NR3C2: variants seen among roughly 807,000 people sequenced by gnomAD.
NR3C2 encodes the protein mineralocorticoid receptor.
Under a neutral mutation model 86.4 loss-of-function variants are expected in NR3C2, and 15 were observed. The observed-to-expected ratio is 0.17, with a 90% CI of 0.12 to 0.27. The LOEUF (loss-of-function observed/expected upper bound fraction) is 0.27, where lower values mean the gene tolerates loss of function less well. Among genes scored for constraint, NR3C2 ranks in the 10% least tolerant of loss-of-function variants. The pLI is 1.00. For missense variants in NR3C2, 960 were observed against 1,195.6 expected (o/e 0.80, Z 2.91); for synonymous variants, 458 against 450.5 (o/e 1.02, Z -0.21).
chr4:148,139,935 T>A (rs541354909), intron 6 of NR3C2, among the ~76,000 whole-genome samples: 43 of 152,286 alleles, frequency 2.8e-4, no homozygotes, highest in Middle Eastern at 3.4e-3. Flanking sequence ...ATAAAAATAA[T>A]CGTGTGGTTC....
At chr4:148,444,197 G>T, upstream of NR3C2, 1 of 985,110 alleles carries the variant, frequency 1.0e-6, no homozygotes, top group Non-Finnish European at 1.2e-6. Flanking sequence ...AAGCGTTGCC[G>T]AATTATTCAT....
intron 6 of NR3C2, among the ~76,000 whole-genome samples, chr4:148,122,053 C>T (rs866517690): frequency 3.3e-5 from 5 of 152,146 alleles, no homozygotes; most frequent in South Asian, 2.1e-4. Flanking sequence ...TTCACATCCC[C>T]ACCAATGATT....
At chr4:148,138,974 C>T (rs1472581238) in intron 6 of NR3C2, among the ~76,000 whole-genome samples, 3 of 152,214 alleles carry the variant, frequency 2.0e-5, no homozygotes, top group Non-Finnish European at 4.4e-5. Flanking sequence ...TGCCTTCTAC[C>T]ATGAGATGAT....
intron 3 of NR3C2, among the ~76,000 whole-genome samples, chr4:148,230,280 G>A (rs755026426): frequency 2.0e-5 from 3 of 152,062 alleles, no homozygotes; most frequent in Non-Finnish European, 4.4e-5. Flanking sequence ...TGCAACCTCC[G>A]CCTCCCAGGC....
At chr4:148,174,817 T>G (rs542485277) in intron 4 of NR3C2, among the ~76,000 whole-genome samples, 1 of 152,160 alleles carries the variant, frequency 6.6e-6, no homozygotes, top group Non-Finnish European at 1.5e-5. Context: ...GACTTCCCAA[T>G]ACCAGGAAGT....
chr4:148,127,589 C>T (rs1732812370), intron 6 of NR3C2, among the ~76,000 whole-genome samples: 1 of 152,174 alleles, frequency 6.6e-6, no homozygotes, highest in Non-Finnish European at 1.5e-5. Context: ...GAGTAACTAA[C>T]AGCTGCTAGT....
intron 3 of NR3C2, among the ~76,000 whole-genome samples, chr4:148,220,874 T>C (rs1447895459): frequency 6.6e-6 from 1 of 152,178 alleles, no homozygotes; most frequent in South Asian, 2.1e-4. Context: ...GAAAGCTTCA[T>C]TGTAGAATCC....
chr4:148,118,331 T>G (rs1223295048), intron 7 of NR3C2, among the ~76,000 whole-genome samples: 1 of 152,162 alleles, frequency 6.6e-6, no homozygotes, highest in Non-Finnish European at 1.5e-5. Context: ...GTCGGGGTTA[T>G]CAACTTTCTC....
intron 2 of NR3C2, among the ~76,000 whole-genome samples, chr4:148,324,527 G>C (rs948439264): frequency 6.6e-6 from 1 of 152,158 alleles, no homozygotes; most frequent in Non-Finnish European, 1.5e-5. Flanking sequence ...AGACTGCAGG[G>C]AGAGGAAAAT....
At chr4:148,133,665 G>A (rs1474579065) in intron 6 of NR3C2, among the ~76,000 whole-genome samples, 1 of 152,188 alleles carries the variant, frequency 6.6e-6, no homozygotes, top group Non-Finnish European at 1.5e-5. Flanking sequence ...TCTTCCTAAA[G>A]CAAAAGTCGC....
rs74989192 is a variant in NR3C2 at position 148,434,989 on chromosome 4, C to T, written c.1757+115G>A. The T allele has an allele frequency of 9.0e-4, 911 of 1,012,716 alleles. 27 individuals are homozygous for T. In the East Asian group the frequency reaches 0.022, roughly 24 times the overall value. 62.7% of individuals were successfully genotyped at this position (1,012,716 alleles called of 1,614,324 possible). On this transcript the variant is annotated intron_variant, in intron 2 of 8. Coordinates refer to ENST00000358102, the MANE Select transcript of NR3C2 (RefSeq NM_000901.5). ...ACATGCAAAGTGGAGCAACATATGA[C>T]CATCCTTAAAACAGTAATCTGAAAT...
At chr4:148,091,618 C>G (rs1186794504) in intron 8 of NR3C2, among the ~76,000 whole-genome samples, 1 of 152,230 alleles carries the variant, frequency 6.6e-6, no homozygotes, top group Non-Finnish European at 1.5e-5. Context: ...TACGGCAAAG[C>G]ATCTACCAGT....
chr4:148,136,667 A>T (rs890248260), intron 6 of NR3C2, among the ~76,000 whole-genome samples: 1 of 150,980 alleles, frequency 6.6e-6, no homozygotes, highest in Non-Finnish European at 1.5e-5. Context: ...TTTTTTTGAG[A>T]TGGAGTTTCG....
intron 7 of NR3C2, among the ~76,000 whole-genome samples, chr4:148,115,604 C>T (rs1732239993): frequency 6.6e-6 from 1 of 152,152 alleles, no homozygotes. Flanking sequence ...TTGTGTGCAA[C>T]CCTGGAAGCC....
intron 1 of NR3C2, among the ~76,000 whole-genome samples, chr4:148,440,553 C>G (rs1186084177): frequency 6.6e-6 from 1 of 152,198 alleles, no homozygotes; most frequent in South Asian, 2.1e-4. Context: ...GGAAACCATA[C>G]CAAAGATTCT....
chr4:148,324,230 CT>C (rs1405325470), intron 2 of NR3C2, among the ~76,000 whole-genome samples: 7 of 152,134 alleles, frequency 4.6e-5, no homozygotes, highest in African/African-American at 1.7e-4. Context: ...ATTTGTCTTT[CT>C]GTGTCTGGCT....
chr4:148,195,446 C>A (rs979723937), intron 3 of NR3C2, among the ~76,000 whole-genome samples: 1 of 152,146 alleles, frequency 6.6e-6, no homozygotes, highest in African/African-American at 2.4e-5. Context: ...AAAATATTTA[C>A]TAAACACCCA....
intron 2 of NR3C2, among the ~76,000 whole-genome samples, chr4:148,376,093 T>A (rs1746662996): frequency 7.2e-6 from 1 of 138,880 alleles, no homozygotes; most frequent in African/African-American, 2.7e-5. Flanking sequence ...TTAAGAATAA[T>A]AACGTTATTC....
In NR3C2 at chr4:148,081,381, G is replaced by A. The variant is rs941877416; in HGVS notation, c.2918C>T (p.Ser973Leu). The change falls in exon 9 of 9, where the codon TCG becomes TTG. Residue 973 changes from serine (S) to leucine (L), a missense_variant. Physicochemically the swap from Ser to Leu is moderately radical, Grantham distance 145 (BLOSUM62 -2). Around this residue, in one of 4 missense-constraint regions of NR3C2, gnomAD observed 151 missense variants for 296.3 expected, o/e 0.51. Coordinates refer to ENST00000358102, the MANE Select transcript of NR3C2 (RefSeq NM_000901.5). The stretch of plus-strand genomic sequence containing the variant: ...GAAGTAGAGCGGCTTGGCGTTCCCC[G>A]ACTCCACCTTGGGCAGCTGGTCGCT... The part of the protein sequence containing the change: ...IISDQLPKVE[S>L]GNAKPLYFHR... The A allele has an allele frequency of 2.5e-6, 4 of 1,614,102 alleles. No individual in the cohort carries two copies. Among genetic ancestry groups the A allele is most frequent in the East Asian group, 2.2e-5 (1 of 44,878 alleles).
Sources: gnomAD v4.1 joint callset for allele counts (sites outside exome capture counted in the v4.1 genomes callset) on GRCh38, gnomAD v4.1.1 for gene constraint, gnomAD v4.1.1 regional missense constraint, MANE v1.5 for transcripts, NCBI Gene and HGNC (gene_info 2026-07-23, HGNC 2026-07-21) for gene names.